The following CREB5 variants were observed in gnomAD, a reference collection of about 807,000 sequenced individuals.
The protein encoded by CREB5 is cAMP responsive element binding protein 5.
Under a neutral mutation model 57.1 loss-of-function variants are expected in CREB5, and 19 were observed. The ratio of observed to expected loss-of-function variants is 0.33; its 90% confidence interval spans 0.23 to 0.49. CREB5 has a LOEUF of 0.49. Among genes scored for constraint, CREB5 ranks in the 20% least tolerant of loss-of-function variants. The pLI, the probability that CREB5 is intolerant of heterozygous loss-of-function variation, is 0.99. For synonymous variants in CREB5, 238 were observed against 238.3 expected, an observed-to-expected ratio of 1.00 and a Z score of 0.01; for missense variants, 579 against 671.6, an observed-to-expected ratio of 0.86 and a Z score of 1.52.
chr7:28,442,272 T>G (rs1461160887), intron 1 of CREB5, among the ~76,000 whole-genome samples: 1 of 152,168 alleles, frequency 6.6e-6, no homozygotes, highest in African/African-American at 2.4e-5. Flanking sequence ...TGACAGGATT[T>G]CATTCTTTTT....
chr7:28,782,549 A>G (rs2128784631), intron 7 of CREB5, among the ~76,000 whole-genome samples: 1 of 152,308 alleles, frequency 6.6e-6, no homozygotes, highest in Non-Finnish European at 1.5e-5. Context: ...CCCATTTTTG[A>G]AAGCAGAAGC....
chr7:28,528,597 G>A (rs997118143), intron 4 of CREB5, among the ~76,000 whole-genome samples: 5 of 151,660 alleles, frequency 3.3e-5, no homozygotes, highest in African/African-American at 4.8e-5. Flanking sequence ...CCAGCTACTC[G>A]GGAGGCTGAG....
At chr7:28,469,527 A>C (rs1399210185) in intron 1 of CREB5, among the ~76,000 whole-genome samples, 1 of 152,232 alleles carries the variant, frequency 6.6e-6, no homozygotes, top group Non-Finnish European at 1.5e-5. Context: ...TACATGAATA[A>C]AAATTAATGT....
At chr7:28,556,172 T>C (rs1291186895) in intron 4 of CREB5, among the ~76,000 whole-genome samples, 1 of 152,192 alleles carries the variant, frequency 6.6e-6, no homozygotes, top group South Asian at 2.1e-4. Context: ...TGGCAGAAAG[T>C]AGAGTTGAGC....
chr7:28,420,197 C>T (rs1348430477), intron 1 of CREB5, among the ~76,000 whole-genome samples: 1 of 151,700 alleles, frequency 6.6e-6, no homozygotes, highest in Non-Finnish European at 1.5e-5. Flanking sequence ...AAGGGACATT[C>T]TTAAGACAGA....
chr7:28,767,319 C>T (rs1806059414), intron 7 of CREB5, among the ~76,000 whole-genome samples: 1 of 152,168 alleles, frequency 6.6e-6, no homozygotes, highest in Non-Finnish European at 1.5e-5. Flanking sequence ...AATTGGAAAG[C>T]ATATCGAACA....
chr7:28,783,983 A>G (rs958510503), intron 7 of CREB5, among the ~76,000 whole-genome samples: 1 of 152,236 alleles, frequency 6.6e-6, no homozygotes. Flanking sequence ...AGTGATAACA[A>G]AGCAAAAGCA....
chr7:28,691,864 CTACT>C (rs1356004342), intron 5 of CREB5, among the ~76,000 whole-genome samples: 6 of 152,076 alleles, frequency 3.9e-5, no homozygotes, highest in African/African-American at 1.2e-4. Flanking sequence ...ATCTGGAACT[CTACT>C]TAAAAAAGAA....
chr7:28,803,271 G>A (rs1181625369), intron 7 of CREB5, among the ~76,000 whole-genome samples: 2 of 152,132 alleles, frequency 1.3e-5, no homozygotes, highest in Non-Finnish European at 2.9e-5. Flanking sequence ...TAAGAGTATT[G>A]GAAGGGACCA....
chr7:28,507,673 G>A lies in CREB5; in HGVS notation c.227G>A (p.Ser76Asn). ...LKNCEEVGLF[S>N]ELDCSLEHEF... ...AACTGCGAGGAGGTGGGCCTCTTCA[G>A]CGAGCTGGACTGCTCCCTGGAGCAC... Residue 76 changes from serine to asparagine, a missense_variant, in exon 4 of 11, where the codon AGC becomes AAC. By Grantham distance (46) the Ser-to-Asn change is conservative. This residue lies in a region of CREB5 where 459 missense variants were observed against 515.7 expected (regional missense o/e 0.89). Transcript: ENST00000357727. 6.2e-7 allele frequency: 1 copy of A among 1,612,936 alleles called. No individual in the cohort carries two copies. Among genetic ancestry groups the A allele is most frequent in the Non-Finnish European group, 8.5e-7 (1 of 1,179,100 alleles).
intron 7 of CREB5, among the ~76,000 whole-genome samples, chr7:28,775,704 G>A (rs970671862): frequency 6.6e-6 from 1 of 151,752 alleles, no homozygotes; most frequent in African/African-American, 2.4e-5. Flanking sequence ...TTCCATAGCT[G>A]TAGAATATTT....
chr7:28,515,908 A>AT (rs58958561), intron 4 of CREB5, among the ~76,000 whole-genome samples: 5,987 of 149,356 alleles, frequency 0.04, 252 homozygotes, highest in South Asian at 0.11. Flanking sequence ...TTTAAAGTAA[A>AT]AATATATATA....
intron 5 of CREB5, among the ~76,000 whole-genome samples, chr7:28,622,253 TCTCTCTCACACACA>T (rs1562532370): frequency 7.1e-6 from 1 of 140,608 alleles, no homozygotes; most frequent in African/African-American, 2.8e-5. Context: ...TCTCTCTCTC[TCTCTCTCACACACA>T]CACACACACA....
chr7:28,656,685 T>C (rs1413871975), intron 5 of CREB5, among the ~76,000 whole-genome samples: 2 of 152,178 alleles, frequency 1.3e-5, no homozygotes, highest in Non-Finnish European at 2.9e-5. Context: ...GAGGAGTGTG[T>C]GAACAGGAGG....
At chr7:28,488,359 C>A in intron 2 of CREB5, 113 bp downstream of exon 2, 1 of 796,136 alleles carries the variant, frequency 1.3e-6, no homozygotes, top group Non-Finnish European at 2.1e-6. Context: ...ACCAAGACAC[C>A]ACCAAAGTCC....
intron 4 of CREB5, among the ~76,000 whole-genome samples, chr7:28,545,243 G>A (rs141751248): frequency 3.3e-5 from 5 of 152,188 alleles, no homozygotes; most frequent in South Asian, 2.1e-4. Flanking sequence ...GAAAACAATC[G>A]AGAAAGAATA....
intron 1 of CREB5, among the ~76,000 whole-genome samples, chr7:28,377,810 T>C (rs1786866709): frequency 1.3e-5 from 2 of 151,284 alleles, no homozygotes. Context: ...CGGGCTCCTG[T>C]AGTCCCAGCT....
intron 7 of CREB5, among the ~76,000 whole-genome samples, chr7:28,779,863 T>C (rs1257884752): frequency 6.6e-6 from 1 of 152,128 alleles, no homozygotes; most frequent in African/African-American, 2.4e-5. Context: ...GACACCCACT[T>C]TCTTTCTCTT....
chr7:28,309,637 C>A (rs1331606390), intron 1 of CREB5, among the ~76,000 whole-genome samples: 1 of 152,202 alleles, frequency 6.6e-6, no homozygotes, highest in Non-Finnish European at 1.5e-5. Flanking sequence ...AGCCCACCTA[C>A]CAGCCCTAAC....
Sources: gnomAD v4.1 joint callset for allele counts (sites outside exome capture counted in the v4.1 genomes callset) on GRCh38, gnomAD v4.1.1 for gene constraint, gnomAD v4.1.1 regional missense constraint, MANE v1.5 for transcripts, NCBI Gene and HGNC (gene_info 2026-07-23, HGNC 2026-07-21) for gene names.